Variants in PTAFR observed in about 807,000 individuals in gnomAD.
PTAFR encodes the protein platelet activating factor receptor.
In PTAFR, 8 loss-of-function variants were observed where a neutral mutation model predicts 14.7. The ratio of observed to expected loss-of-function variants is 0.54; its 90% CI spans 0.32 to 0.98. PTAFR has a LOEUF of 0.98. PTAFR is among the 50% of genes least tolerant of loss of function. The pLI is 0.04. For missense variants in PTAFR, 337 were observed against 451.2 expected (o/e 0.75, Z 2.29); for synonymous variants, 156 against 176.5 (o/e 0.88, Z 0.92).
At chr1:28,191,686 G>A (rs1557700683) in intron 1 of PTAFR, among the ~76,000 whole-genome samples, 1 of 151,518 alleles carries the variant, frequency 6.6e-6, no homozygotes, top group Admixed American at 6.6e-5. Context: ...ATAGGAGAGC[G>A]TCTTTTCTCT....
intron 1 of PTAFR, among the ~76,000 whole-genome samples, chr1:28,193,369 G>A (rs566634267): frequency 1.0e-3 from 152 of 152,176 alleles, no homozygotes; most frequent in African/African-American, 3.4e-3. Flanking sequence ...GTTGGTGCCC[G>A]TTCGTGTATG....
intron 1 of PTAFR, among the ~76,000 whole-genome samples, chr1:28,153,271 T>G (rs1646216742): frequency 6.6e-6 from 1 of 152,184 alleles, no homozygotes; most frequent in African/African-American, 2.4e-5. Flanking sequence ...ACAAAACAGT[T>G]GCTCCCTTCC....
intron 1 of PTAFR, among the ~76,000 whole-genome samples, chr1:28,171,266 T>C (rs1027267035): frequency 2.0e-5 from 3 of 150,058 alleles, no homozygotes; most frequent in African/African-American, 7.4e-5. Flanking sequence ...GAAGTTTCAG[T>C]GAACTGAGAT....
intron 1 of PTAFR, among the ~76,000 whole-genome samples, chr1:28,176,252 G>A (rs1646511748): frequency 6.6e-6 from 1 of 151,876 alleles, no homozygotes; most frequent in Admixed American, 6.6e-5. Context: ...AGACCAGTCT[G>A]GGCAACAAGG....
At chr1:28,167,646 T>TA (rs1646401134) in intron 1 of PTAFR, among the ~76,000 whole-genome samples, 1 of 135,094 alleles carries the variant, frequency 7.4e-6, no homozygotes, top group African/African-American at 2.9e-5. Flanking sequence ...TTTTTTTTTT[T>TA]TTTTTTTTTT....
upstream of PTAFR, among the ~76,000 whole-genome samples, chr1:28,179,680 CCAGGCAT>C (rs1646547468): frequency 6.6e-6 from 1 of 151,842 alleles, no homozygotes; most frequent in Non-Finnish European, 1.5e-5. Flanking sequence ...AAAAAAAGAG[CCAGGCAT>C]GGTGGCACAC....
intron 1 of PTAFR, among the ~76,000 whole-genome samples, chr1:28,166,371 C>T (rs1646384774): frequency 6.6e-6 from 1 of 152,012 alleles, no homozygotes; most frequent in South Asian, 2.1e-4. Context: ...TCAAAGAAAA[C>T]ATAGGATAAA....
chr1:28,181,352 CACTAGTTT>C (rs1403777235), upstream of PTAFR, among the ~76,000 whole-genome samples: 1 of 152,186 alleles, frequency 6.6e-6, no homozygotes, highest in Non-Finnish European at 1.5e-5. Flanking sequence ...CAAGTTTAAT[CACTAGTTT>C]ACTCCTGTTA....
chr1:28,168,017 G>C (rs915181175), intron 1 of PTAFR, among the ~76,000 whole-genome samples: 7 of 145,204 alleles, frequency 4.8e-5, no homozygotes, highest in African/African-American at 1.8e-4. Context: ...GGAGTGCAGT[G>C]GCGCAATCTC....
intron 1 of PTAFR, among the ~76,000 whole-genome samples, chr1:28,168,445 C>T (rs1423178854): frequency 6.6e-6 from 1 of 152,098 alleles, no homozygotes; most frequent in Non-Finnish European, 1.5e-5. Flanking sequence ...AATTCTGACA[C>T]ATGTTACAAC....
At chr1:28,182,746 T>C (rs1304231228) in intron 1 of PTAFR, among the ~76,000 whole-genome samples, 1 of 152,190 alleles carries the variant, frequency 6.6e-6, no homozygotes, top group Non-Finnish European at 1.5e-5. Context: ...AACGGCACGA[T>C]CTCGGCTCCC....
At chr1:28,174,740 G>A (rs1646494172) in intron 1 of PTAFR, among the ~76,000 whole-genome samples, 1 of 152,178 alleles carries the variant, frequency 6.6e-6, no homozygotes, top group Non-Finnish European at 1.5e-5. Flanking sequence ...TAAGGATAAA[G>A]GATACAACAG....
chr1:28,188,431 G>A (rs985897979), intron 1 of PTAFR, among the ~76,000 whole-genome samples: 1 of 151,346 alleles, frequency 6.6e-6, no homozygotes, highest in Non-Finnish European at 1.5e-5. Flanking sequence ...GGGTGACAGA[G>A]GGGGACTCTG....
At chr1:28,154,871 A>G (rs1646246381) in intron 1 of PTAFR, among the ~76,000 whole-genome samples, 1 of 151,940 alleles carries the variant, frequency 6.6e-6, no homozygotes, top group African/African-American at 2.4e-5. Context: ...TTGAGAACAA[A>G]AAGAGATCTA....
At chr1:28,164,770 C>T (rs1646363514) in intron 1 of PTAFR, among the ~76,000 whole-genome samples, 1 of 152,216 alleles carries the variant, frequency 6.6e-6, no homozygotes, top group African/African-American at 2.4e-5. Flanking sequence ...CTTGTCCACT[C>T]ACAGACCTGT....
chr1:28,152,339 C>T (rs1214864491), intron 1 of PTAFR, among the ~76,000 whole-genome samples: 4 of 152,166 alleles, frequency 2.6e-5, no homozygotes, highest in East Asian at 1.9e-4. Context: ...TGATGGCTTA[C>T]GCCTGTAATC....
At chr1:28,185,957 T>C (rs1283662476) in intron 1 of PTAFR, among the ~76,000 whole-genome samples, 1 of 152,172 alleles carries the variant, frequency 6.6e-6, no homozygotes, top group Non-Finnish European at 1.5e-5. Context: ...GCTTTTTTTT[T>C]GTTTTTTCTT....
At position 28,149,782 on chromosome 1, in the gene PTAFR, GC is replaced by G; in HGVS notation, c.*210del. The G allele has an allele frequency of 1.7e-6, 1 of 596,644 alleles. No individual in the cohort carries two copies. The highest frequency in any genetic ancestry group is 2.9e-6 in the Non-Finnish European group (1 of 344,750). The allele number at this position is 596,644 out of a possible 1,614,324, so 37.0% of individuals were successfully genotyped here. On this transcript the variant is annotated 3_prime_UTR_variant, in exon 2 of 2. Transcript: ENST00000373857. ...ATCAGTCACAGTTACTGTAGTATGC[GC>G]CCACAGGCGGATGAAGGGGCTCATT...
upstream of PTAFR, among the ~76,000 whole-genome samples, chr1:28,178,847 G>T (rs955106650): frequency 6.6e-6 from 1 of 151,870 alleles, no homozygotes; most frequent in Non-Finnish European, 1.5e-5. Flanking sequence ...CTCACGCACC[G>T]CACACACTCT....
Sources: gnomAD v4.1 joint callset for allele counts (sites outside exome capture counted in the v4.1 genomes callset) on GRCh38, gnomAD v4.1.1 for gene constraint, MANE v1.5 for transcripts, NCBI Gene and HGNC (gene_info 2026-07-23, HGNC 2026-07-21) for gene names.